SCN1A: variants seen among roughly 807,000 people sequenced by gnomAD.
The protein encoded by SCN1A is sodium voltage-gated channel alpha subunit 1.
In SCN1A, 13 loss-of-function variants were observed where a neutral mutation model predicts 193.7. The observed-to-expected ratio is 0.07, with a 90% CI of 0.04 to 0.11. The LOEUF is 0.11. Ranked by LOEUF, SCN1A falls within the 10% of genes least tolerant of loss-of-function variation. SCN1A has a pLI of 1.00. For missense variants in SCN1A, 1,432 were observed against 2,451.1 expected, an observed-to-expected ratio of 0.58 and a Z score of 8.78; for synonymous variants, 781 against 843.6, an observed-to-expected ratio of 0.93 and a Z score of 1.29.
intron 14 of SCN1A, 150 bp from the exon 15 acceptor site, chr2:166,042,574 A>G (rs1368892001): frequency 2.6e-6 from 2 of 768,710 alleles, no homozygotes; most frequent in East Asian, 5.4e-5. Context: ...GACTTATTGT[A>G]TCATTAGCCT....
chr2:166,085,392 G>A (rs1686000961), intron 2 of SCN1A, among the ~76,000 whole-genome samples: 1 of 152,202 alleles, frequency 6.6e-6, no homozygotes, highest in African/African-American at 2.4e-5. Context: ...TGTTTATGGT[G>A]TTATGCAGGA....
chr2:166,064,283 T>C (rs1683613365), intron 4 of SCN1A, among the ~76,000 whole-genome samples: 1 of 152,130 alleles, frequency 6.6e-6, no homozygotes, highest in Non-Finnish European at 1.5e-5. Flanking sequence ...CTCATAGAGG[T>C]AATGTGATTC....
chr2:166,137,287 T>G (rs1192953531), intron 1 of SCN1A, among the ~76,000 whole-genome samples: 1 of 152,212 alleles, frequency 6.6e-6, no homozygotes, highest in East Asian at 1.9e-4. Context: ...ACAAAAATCT[T>G]TATGATAAAA....
At chr2:166,028,556 A>G (rs1695116217) in intron 19 of SCN1A, among the ~76,000 whole-genome samples, 1 of 152,184 alleles carries the variant, frequency 6.6e-6, no homozygotes, top group African/African-American at 2.4e-5. Context: ...TTAACCAATT[A>G]TTCTGACCTC....
intron 23 of SCN1A, 122 bp downstream of exon 23, chr2:166,009,597 T>A: frequency 1.2e-6 from 1 of 844,146 alleles, no homozygotes; most frequent in Middle Eastern, 3.8e-4. Context: ...GATAAAACAA[T>A]AAAGTAGCAA....
chr2:166,009,618 A>C, intron 23 of SCN1A, 101 bp downstream of exon 23: 1 of 1,195,144 alleles, frequency 8.4e-7, no homozygotes, highest in South Asian at 1.5e-5. Context: ...TTTTGCAAGA[A>C]TTTGCCATTC....
intron 18 of SCN1A, 107 bp downstream of exon 18, chr2:166,037,669 T>C: frequency 1.0e-6 from 1 of 974,548 alleles, no homozygotes; most frequent in South Asian, 1.4e-5. Flanking sequence ...TTTTTTATTA[T>C]ACTTTAAGTT....
chr2:166,005,683 A>T lies in SCN1A; in HGVS notation c.4003-2930T>A, dbSNP rs943608819. 2.6e-5 allele frequency among the ~76,000 whole-genome samples: 4 copies of T among 151,386 alleles called. No individual in the cohort carries two copies. In the Admixed American group the frequency reaches 2.6e-4, roughly 10 times the overall value. The stretch of plus-strand genomic sequence containing the variant: ...ATAGAAAAGATTGTCTTTTCCCAAG[A>T]GTTCCAAGCCATTCCTTGGTTCAGC... On this transcript the variant is annotated intron_variant, in intron 23 of 28. Coordinates refer to ENST00000674923, the MANE Select transcript of SCN1A (RefSeq NM_001165963.4).
chr2:166,027,889 A>G (rs77082327), intron 19 of SCN1A, among the ~76,000 whole-genome samples: 1 of 152,132 alleles, frequency 6.6e-6, no homozygotes, highest in South Asian at 2.1e-4. Context: ...AAAGGAAAAT[A>G]TAATATCAAT....
intron 2 of SCN1A, among the ~76,000 whole-genome samples, chr2:166,091,048 A>G (rs986409427): frequency 9.2e-5 from 14 of 152,294 alleles, no homozygotes; most frequent in Admixed American, 2.6e-4. Context: ...TTGTATTTTT[A>G]TTTTTGTCTC....
At chr2:166,069,385 A>G (rs1355285745) in intron 4 of SCN1A, among the ~76,000 whole-genome samples, 1 of 152,222 alleles carries the variant, frequency 6.6e-6, no homozygotes, top group Admixed American at 6.5e-5. Flanking sequence ...CTGAACATGG[A>G]TTAAACTGCT....
In SCN1A at chr2:166,121,707, A is replaced by T. The variant is rs145785143; in HGVS notation, c.-142+5217T>A. ...AATAACCACAACAGTTTCATCAACA[A>T]CAAAAAAATATCAATTTAACCTTCT... On this transcript the variant is annotated intron_variant, in intron 2 of 28. Transcript: ENST00000674923. Among the ~76,000 whole-genome samples, 12 of 152,352 alleles carry T rather than the reference A, an allele frequency of 7.9e-5. No individual in the cohort carries two copies. The East Asian group carries it at 2.3e-3, about 29-fold the overall frequency.
chr2:166,002,865 T>C (rs1691126529), intron 23 of SCN1A, 112 bp from the exon 24 acceptor site: 1 of 884,156 alleles, frequency 1.1e-6, no homozygotes, highest in Non-Finnish European at 1.7e-6. Flanking sequence ...TCAATGCTAT[T>C]TATTCTAGGA....
chr2:166,060,316 C>T (rs1289364600), intron 4 of SCN1A: 1 of 152,150 alleles, frequency 6.6e-6, no homozygotes, highest in East Asian at 1.9e-4. Context: ...CCTATGCCAA[C>T]AATACTTAGC....
At chr2:166,082,183 C>T (rs1269104401) in intron 2 of SCN1A, among the ~76,000 whole-genome samples, 1 of 151,872 alleles carries the variant, frequency 6.6e-6, no homozygotes, top group East Asian at 1.9e-4. Context: ...TAGTCTATTC[C>T]TCTCATTTAA....
intron 2 of SCN1A, among the ~76,000 whole-genome samples, chr2:166,114,374 G>A (rs1689623671): frequency 1.3e-5 from 2 of 152,162 alleles, no homozygotes; most frequent in Admixed American, 6.6e-5. Context: ...AAAGTAGTGA[G>A]CCAAGCTCTT....
chr2:166,053,426 T>A (rs1344833893), intron 7 of SCN1A, among the ~76,000 whole-genome samples: 1 of 151,896 alleles, frequency 6.6e-6, no homozygotes, highest in Non-Finnish European at 1.5e-5. Context: ...TAGAAAAAAA[T>A]ATATGAAATC....
chr2:166,063,707 A>C (rs1331264879), intron 4 of SCN1A, among the ~76,000 whole-genome samples: 1 of 152,106 alleles, frequency 6.6e-6, no homozygotes, highest in Non-Finnish European at 1.5e-5. Context: ...CCTGAGAGCC[A>C]CATTAAAAGA....
Position 166,028,825 on chromosome 2 carries a change from C to T in SCN1A, c.3429+7223G>A, listed in dbSNP as rs145879889. Among the ~76,000 whole-genome samples the T allele has an allele frequency of 3.3e-5, 5 of 152,182 alleles. No individual in the cohort carries two copies. In the South Asian group the frequency reaches 6.2e-4, roughly 19 times the overall value. ...ACATAATAGACTTAGTATCTGCCCT[C>T]GTCGGTTCACAATCAGATGGAGGAT... On this transcript the variant is annotated intron_variant, in intron 19 of 28. Coordinates refer to ENST00000674923, the MANE Select transcript of SCN1A (RefSeq NM_001165963.4).
Sources: allele counts gnomAD v4.1 joint callset (sites outside exome capture counted in the v4.1 genomes callset), GRCh38; gene constraint gnomAD v4.1.1; transcripts MANE v1.5; gene names NCBI Gene and HGNC (gene_info 2026-07-23, HGNC 2026-07-21).